The following TRAF7 variants were observed in gnomAD, a reference collection of about 807,000 sequenced individuals.
The protein encoded by TRAF7 is TNF receptor associated factor 7.
Under a neutral mutation model 89.3 loss-of-function variants are expected in TRAF7, and 45 were observed. The ratio of observed to expected loss-of-function variants is 0.50; its 90% CI spans 0.40 to 0.65. The LOEUF (loss-of-function observed/expected upper bound fraction) is 0.65. TRAF7 is among the 30% of genes least tolerant of loss of function. The probability of loss-of-function intolerance (pLI) is 0.00; values close to 1 mark genes in which losing one functional copy is unlikely to be tolerated. For missense variants in TRAF7, 677 were observed against 918.1 expected (o/e 0.74, Z 3.39); for synonymous variants, 406 against 369.2 (o/e 1.10, Z -1.14).
intron 2 of TRAF7, among the ~76,000 whole-genome samples, chr16:2,164,318 ATGGTAAAGCGTGTTAG>A (rs2093072642): frequency 7.2e-6 from 1 of 139,260 alleles, no homozygotes; most frequent in African/African-American, 2.7e-5. Flanking sequence ...GCCTGGTCGC[ATGGTAAAGCGTGTTAG>A]TGCTGCGTGG....
At chr16:2,170,500 G>A (rs565647385) in intron 4 of TRAF7, 114 bp from the exon 5 acceptor site, 24 of 729,576 alleles carry the variant, frequency 3.3e-5, no homozygotes, top group African/African-American at 5.2e-5. Context: ...CGCAGGGACC[G>A]GGGTGGCCCC....
In TRAF7 at chr16:2,173,271, A is replaced by G; in HGVS notation, c.884A>G (p.Asp295Gly). 2 of 1,613,516 alleles carry G rather than the reference A, an allele frequency of 1.2e-6. No homozygotes were observed. The highest frequency in any genetic ancestry group is 1.7e-6 in the Non-Finnish European group (2 of 1,179,992). The change falls in exon 10 of 21, where the codon GAT becomes GGT. Residue 295 changes from aspartate (D) to glycine (G), a missense_variant. By Grantham distance (94) the Asp-to-Gly change is moderately conservative. Around this residue, in one of 6 missense-constraint regions of TRAF7, gnomAD observed 238 missense variants for 352.6 expected, o/e 0.67. Transcript: ENST00000326181. ...CTGAAGGAGTTTCTGCAGCAGACGG[A>G]TGACCGCTTCCACGAGATGCACGTG... Reference protein sequence around the residue: ...EGLKEFLQQTDDRFHEMHVAL... With the variant: ...EGLKEFLQQTGDRFHEMHVAL...
intron 1 of TRAF7, among the ~76,000 whole-genome samples, chr16:2,160,471 C>T (rs967289265): frequency 8.5e-5 from 11 of 129,940 alleles, no homozygotes; most frequent in East Asian, 2.5e-4. Context: ...TGTGGATGGG[C>T]GGGCGGTGTG....
Position 2,168,199 on chromosome 16 carries a change from G to T in TRAF7, c.231+31G>T. On this transcript the variant is annotated intron_variant, in intron 4 of 20. Transcript: ENST00000326181. This position sits in a 1 kb window ranked among gnomAD's most constrained non-coding sequence, Gnocchi z 4.1. Reference sequence around the variant, plus strand: ...TCCCTACCCCCAGGAGCCCGTGTGAGCCTCAGCCTCCCCCCATCCTCCCTC... The same window carrying T: ...TCCCTACCCCCAGGAGCCCGTGTGATCCTCAGCCTCCCCCCATCCTCCCTC... 1 of 1,570,784 alleles carries T rather than the reference G, an allele frequency of 6.4e-7. No homozygotes were observed. The highest frequency in any genetic ancestry group is 8.6e-7 in the Non-Finnish European group (1 of 1,156,272).
At chr16:2,173,617 G>A in intron 11 of TRAF7, 63 bp downstream of exon 11, 3 of 1,597,486 alleles carry the variant, frequency 1.9e-6, no homozygotes. Flanking sequence ...GCCCCGGCAG[G>A]GAGGCCTCCC....
At chr16:2,173,859 T>TGGGGGCGCC in intron 12 of TRAF7, 23 bp downstream of exon 12, 1 of 1,246,248 alleles carries the variant, frequency 8.0e-7, no homozygotes, top group Non-Finnish European at 1.1e-6. Flanking sequence ...CCGCCGTGGC[T>TGGGGGCGCC]CCCGCCCACC....
chr16:2,173,620 G>T, intron 11 of TRAF7, 66 bp downstream of exon 11: 1 of 1,591,074 alleles, frequency 6.3e-7, no homozygotes, highest in Non-Finnish European at 8.6e-7. Context: ...CCGGCAGGGA[G>T]GCCTCCCCTG....
chr16:2,173,129 TG>T, intron 9 of TRAF7, 52 bp from the exon 10 acceptor site: 1 of 1,529,256 alleles, frequency 6.5e-7, no homozygotes. Context: ...TTCTTGGGGA[TG>T]GGGAGGCACC....
At chr16:2,160,501 C>T (rs1252109529) in intron 1 of TRAF7, among the ~76,000 whole-genome samples, 1 of 107,648 alleles carries the variant, frequency 9.3e-6, no homozygotes, top group African/African-American at 3.8e-5. Context: ...GAGGTGTGGA[C>T]CGGCGGGCGG....
intron 1 of TRAF7, among the ~76,000 whole-genome samples, chr16:2,160,805 C>T (rs554952037): frequency 1.3e-5 from 2 of 152,178 alleles, no homozygotes; most frequent in East Asian, 1.9e-4. Context: ...CCGGCCACCC[C>T]CCAGCCTCGA....
In TRAF7 at chr16:2,175,585, A is replaced by C. The variant is rs1238525218; in HGVS notation, c.1589A>C (p.Gln530Pro). 3 of 1,612,716 alleles carry C rather than the reference A, an allele frequency of 1.9e-6. No individual in the cohort carries two copies. Among genetic ancestry groups the C allele is most frequent in the African/African-American group, 2.7e-5 (2 of 74,912 alleles). ...NHWVRALVAAQSYLYSGSYQT... is the reference protein window; with the variant it reads ...NHWVRALVAAPSYLYSGSYQT... ...TGGGTGCGGGCCCTGGTGGCTGCCCAGAGCTACCTGTACAGCGGCTCCTAC... is the reference window on the plus strand; with the variant it reads ...TGGGTGCGGGCCCTGGTGGCTGCCCCGAGCTACCTGTACAGCGGCTCCTAC... Residue 530 changes from glutamine to proline, a missense_variant, in exon 17 of 21, where the codon CAG becomes CCG. This residue lies in a region of TRAF7 where 160 missense variants were observed against 263.7 expected (regional missense o/e 0.61). Coordinates refer to ENST00000326181, the MANE Select transcript of TRAF7 (RefSeq NM_032271.3).
chr16:2,175,359 T>C lies in TRAF7; in HGVS notation c.1445T>C (p.Val482Ala), dbSNP rs537605138. The C allele has an allele frequency of 6.2e-7, 1 of 1,613,584 alleles. No homozygotes were observed. The highest frequency in any genetic ancestry group is 2.2e-5 in the East Asian group (1 of 44,882). The change falls in exon 16 of 21, where the codon GTG becomes GCG. Residue 482 changes from valine (V) to alanine (A), a missense_variant. This residue lies in a region of TRAF7 where 160 missense variants were observed against 263.7 expected (regional missense o/e 0.61). Transcript: ENST00000326181. ...VNTIRAHDNP[V>A]CTLVSSHNVL... ...ACCATCCGGGCCCATGACAACCCGG[T>C]GTGCACGCTGGTCTCCTCACACAAC...
chr16:2,164,667 G>T (rs2093075305), intron 2 of TRAF7, among the ~76,000 whole-genome samples: 1 of 140,888 alleles, frequency 7.1e-6, no homozygotes, highest in African/African-American at 2.7e-5. Context: ...TGTGAGTGCT[G>T]TGTGGCGCGG....
chr16:2,169,838 G>T (rs1193562027), intron 4 of TRAF7, among the ~76,000 whole-genome samples: 4 of 152,228 alleles, frequency 2.6e-5, no homozygotes, highest in African/African-American at 9.6e-5. Flanking sequence ...GTGCTCTGTG[G>T]GTTTCATACC....
rs113743859 is a variant in TRAF7 at position 2,165,079 on chromosome 16, A to G, written c.82-800A>G. 3.8e-3 allele frequency among the ~76,000 whole-genome samples: 193 copies of G among 50,168 alleles called. 4 individuals carry two copies. The highest frequency in any genetic ancestry group is 0.014 in the Middle Eastern group (1 of 72). 32.9% of individuals were successfully genotyped at this position (50,168 alleles called of 152,430 possible). On this transcript the variant is annotated intron_variant, in intron 2 of 20. Coordinates refer to ENST00000326181, the MANE Select transcript of TRAF7 (RefSeq NM_032271.3). The stretch of plus-strand genomic sequence containing the variant: ...GCATGCTGAAGCGTGTGAGTGCTGC[A>G]TGGCCTGGCCTGGTCGCATGGTTAA...
At chr16:2,165,657 C>T (rs937850788) in intron 2 of TRAF7, among the ~76,000 whole-genome samples, 2 of 148,276 alleles carry the variant, frequency 1.3e-5, no homozygotes, top group African/African-American at 5.0e-5. Flanking sequence ...TGCTGCGTGG[C>T]CTGGCCTGGT....
intron 3 of TRAF7, among the ~76,000 whole-genome samples, chr16:2,167,220 G>A (rs949533837): frequency 2.0e-4 from 30 of 152,234 alleles, no homozygotes; most frequent in Admixed American, 1.2e-3. Context: ...CTGGCCCCTC[G>A]GCGGCAGGGA....
rs2093057191 is a variant in TRAF7 at position 2,161,218 on chromosome 16, C to A, written c.-38-2665C>A. 7.7e-6 allele frequency among the ~76,000 whole-genome samples: 1 copy of A among 130,010 alleles called. No individual in the cohort carries two copies. The highest frequency in any genetic ancestry group is 1.7e-5 in the Non-Finnish European group (1 of 60,074). The allele number at this position is 130,010 out of a possible 152,430, so 85.3% of individuals were successfully genotyped here. ...CCCCCTCCCTCCCTCCGTCCCCCTG[C>A]TTCCCTCTGCCCCCTCCCTCCCTCC... On this transcript the variant is annotated intron_variant, in intron 1 of 20. Transcript: ENST00000326181. The surrounding 1 kb of genome is among the most constrained non-coding windows in gnomAD (Gnocchi z 5.2).
chr16:2,173,857 G>GCGGGGGGGGCCCCCC, intron 12 of TRAF7, 21 bp downstream of exon 12: 4 of 1,607,424 alleles, frequency 2.5e-6, no homozygotes, highest in Non-Finnish European at 3.4e-6. Flanking sequence ...ACCCGCCGTG[G>GCGGGGGGGGCCCCCC]CTCCCGCCCA....
Sources: allele counts gnomAD v4.1 joint callset (sites outside exome capture counted in the v4.1 genomes callset), GRCh38; gene constraint gnomAD v4.1.1; regional missense constraint gnomAD v4.1.1; non-coding constraint Gnocchi (gnomAD v3.1); transcripts MANE v1.5; gene names NCBI Gene and HGNC (gene_info 2026-07-23, HGNC 2026-07-21).